The following GLIS3 variants were observed in gnomAD, a reference collection of about 807,000 sequenced individuals.
The protein encoded by GLIS3 is GLIS family zinc finger 3, also known as zinc finger protein GLIS3.
Under a neutral mutation model 78.6 loss-of-function variants are expected in GLIS3, and 53 were observed. That is an observed-to-expected ratio of 0.67 (90% CI 0.54 to 0.85). The LOEUF (loss-of-function observed/expected upper bound fraction) is 0.85. GLIS3 is among the 40% of genes least tolerant of loss of function. The pLI is 0.00. For missense variants in GLIS3, 1,703 were observed against 1,231.1 expected (o/e 1.38, Z -5.74); for synonymous variants, 684 against 509.9 (o/e 1.34, Z -4.60).
intron 2 of GLIS3, among the ~76,000 whole-genome samples, chr9:4,236,469 TA>T (rs1293070173): frequency 2.0e-5 from 3 of 152,222 alleles, no homozygotes; most frequent in African/African-American, 7.2e-5. Context: ...GTGAAGGATT[TA>T]ATATTTGTTT....
chr9:4,477,523 TC>T, the GLIS3 span, among the ~76,000 whole-genome samples: 1 of 151,836 alleles, frequency 6.6e-6, no homozygotes, highest in African/African-American at 2.4e-5. Flanking sequence ...CAAGTGATCC[TC>T]CCCCCTCGGT....
chr9:3,843,707 T>A (rs868068858), intron 9 of GLIS3, among the ~76,000 whole-genome samples: 5 of 152,224 alleles, frequency 3.3e-5, no homozygotes, highest in Admixed American at 1.3e-4. Flanking sequence ...CTCATGGGTA[T>A]TGACAAAAAT....
intron 1 of GLIS3, among the ~76,000 whole-genome samples, chr9:4,286,764 A>G (rs566273319): frequency 2.0e-5 from 3 of 152,130 alleles, no homozygotes; most frequent in Non-Finnish European, 4.4e-5. Flanking sequence ...AGCCCTTCTC[A>G]ATACAGTGCT....
chr9:4,318,492 G>A (rs1348213064), intron 2 of GLIS3, among the ~76,000 whole-genome samples: 1 of 152,132 alleles, frequency 6.6e-6, no homozygotes, highest in Non-Finnish European at 1.5e-5. Flanking sequence ...AATATAAGGG[G>A]CAGTGTCAAA....
chr9:4,459,319 A>G, the GLIS3 span, among the ~76,000 whole-genome samples: 44 of 152,370 alleles, frequency 2.9e-4, 1 homozygote, highest in Middle Eastern at 0.02. Context: ...AGGTAGATAG[A>G]GGATACAGGA....
the GLIS3 span, among the ~76,000 whole-genome samples, chr9:4,369,064 A>C: frequency 2.2e-4 from 34 of 152,344 alleles, no homozygotes; most frequent in East Asian, 7.7e-4. Flanking sequence ...TCAGAATTTT[A>C]ATCAGACCAC....
chr9:4,469,465 A>C, the GLIS3 span, among the ~76,000 whole-genome samples: 1 of 152,212 alleles, frequency 6.6e-6, no homozygotes, highest in Non-Finnish European at 1.5e-5. Context: ...TCAAACTAGA[A>C]CTAAGGATTG....
intron 6 of GLIS3, among the ~76,000 whole-genome samples, chr9:3,910,148 C>G (rs76387131): frequency 0.012 from 1,815 of 152,220 alleles, 34 homozygotes; most frequent in African/African-American, 0.041. Flanking sequence ...GATCCACCCC[C>G]CTGTGGTTTA....
At chr9:4,215,402 G>T (rs1820735899) in intron 2 of GLIS3, among the ~76,000 whole-genome samples, 1 of 152,068 alleles carries the variant, frequency 6.6e-6, no homozygotes, top group Admixed American at 6.6e-5. Flanking sequence ...CTTACAGTTG[G>T]AGAGGAAGTT....
chr9:4,138,574 G>T (rs1833578234), intron 2 of GLIS3, among the ~76,000 whole-genome samples: 1 of 152,060 alleles, frequency 6.6e-6, no homozygotes, highest in Non-Finnish European at 1.5e-5. Flanking sequence ...GAAGTGAGGT[G>T]CATGTGCTGA....
In GLIS3 at chr9:3,824,390, C is replaced by CAAA. The variant is rs1383616850; in HGVS notation, c.*3879_*3881dup. 1 of 152,356 alleles carries CAAA rather than the reference C, an allele frequency of 6.6e-6. No homozygotes were observed. The highest frequency in any genetic ancestry group is 1.5e-5 in the Non-Finnish European group (1 of 67,952). 9.4% of individuals were successfully genotyped at this position (152,356 alleles called of 1,614,324 possible). A position where few individuals can be genotyped will look rare whatever the true frequency, so the allele number is the denominator to read the frequency against. On this transcript the variant is annotated 3_prime_UTR_variant, in exon 11 of 11. Coordinates refer to ENST00000381971, the MANE Select transcript of GLIS3 (RefSeq NM_001042413.2). The stretch of plus-strand genomic sequence containing the variant: ...GTAAGAGGCTGATGGTAAAACAAAA[C>CAAA]AAAAAAACAAACAAACAAACAATGA...
intron 8 of GLIS3, among the ~76,000 whole-genome samples, chr9:3,864,127 A>G (rs1484340619): frequency 3.3e-5 from 5 of 152,148 alleles, no homozygotes; most frequent in Non-Finnish European, 7.3e-5. Flanking sequence ...TAGACATTTG[A>G]TGTAAAAAAT....
chr9:4,423,644 G>C, the GLIS3 span, among the ~76,000 whole-genome samples: 1 of 152,108 alleles, frequency 6.6e-6, no homozygotes, highest in Non-Finnish European at 1.5e-5. Flanking sequence ...ATATCACAAG[G>C]TCACAGAACG....
chr9:4,203,840 G>A (rs770761839), intron 2 of GLIS3, among the ~76,000 whole-genome samples: 1 of 152,194 alleles, frequency 6.6e-6, no homozygotes, highest in Non-Finnish European at 1.5e-5. Context: ...ATTATCCTAA[G>A]TGAATTAACA....
Position 4,190,420 on chromosome 9 carries a change from G to GA in GLIS3, c.389-64480dup, listed in dbSNP as rs573344911. ...CAGGAGCCGATGCGATCAACTGGAAGAAAGGGTATCAGTGATGGAAGATGA... is the reference window on the plus strand; with the variant it reads ...CAGGAGCCGATGCGATCAACTGGAAGAAAAGGGTATCAGTGATGGAAGATGA... On this transcript the variant is annotated intron_variant, in intron 2 of 10. Transcript: ENST00000381971. 9.5e-3 allele frequency among the ~76,000 whole-genome samples: 1,430 copies of GA among 150,220 alleles called. 41 individuals carry two copies. The highest frequency in any genetic ancestry group is 0.035 in the South Asian group (162 of 4,576).
chr9:3,870,491 G>T (rs922641951), intron 8 of GLIS3, among the ~76,000 whole-genome samples: 7 of 152,190 alleles, frequency 4.6e-5, no homozygotes, highest in Non-Finnish European at 8.8e-5. Context: ...AAAAGAAAGA[G>T]GTTTAATTGG....
chr9:4,334,180 A>C lies in GLIS3; in HGVS notation n.264+12901T>G, dbSNP rs114560781. Among the ~76,000 whole-genome samples the C allele has an allele frequency of 7.1e-3, 1,081 of 152,370 alleles. 17 individuals are homozygous for C. Among genetic ancestry groups the C allele is most frequent in the African/African-American group, 0.024 (1,000 of 41,580 alleles). ...AGGTAATAGGAATTGATTCTACTAC[A>C]GGTAAAGAAACTGAGTAAAGGGGAC... On this transcript the variant is annotated intron_variant and non_coding_transcript_variant, in intron 2 of 4. Transcript: ENST00000471664.
At chr9:4,483,020 C>G in the GLIS3 span, among the ~76,000 whole-genome samples, 674 of 152,270 alleles carry the variant, frequency 4.4e-3, 2 homozygotes, top group Non-Finnish European at 5.2e-3. Context: ...CTTCCAGGAG[C>G]TGAGTGGCCA....
intron 1 of GLIS3, among the ~76,000 whole-genome samples, chr9:4,289,841 A>G (rs1457164255): frequency 1.3e-5 from 2 of 152,170 alleles, no homozygotes; most frequent in Non-Finnish European, 2.9e-5. Flanking sequence ...CCTTTTGACC[A>G]CTTTCAAACT....
Sources: allele counts gnomAD v4.1 joint callset (sites outside exome capture counted in the v4.1 genomes callset), GRCh38; gene constraint gnomAD v4.1.1; transcripts MANE v1.5; gene names NCBI Gene and HGNC (gene_info 2026-07-23, HGNC 2026-07-21).